UNC13C: variants seen among roughly 807,000 people sequenced by gnomAD.
UNC13C encodes the protein protein unc-13 homolog C.
In UNC13C, 174 loss-of-function variants were observed where a neutral mutation model predicts 245.4. The observed-to-expected ratio is 0.71, with a 90% confidence interval of 0.63 to 0.80. The LOEUF is 0.80. UNC13C is among the 30% of genes least tolerant of loss of function. UNC13C has a pLI of 0.00. For missense variants in UNC13C, 2,829 were observed against 2,602.9 expected, an observed-to-expected ratio of 1.09 and a Z score of -1.89; for synonymous variants, 992 against 895.1, an observed-to-expected ratio of 1.11 and a Z score of -1.93.
chr15:54,021,498 T>C (rs1178788325), intron 2 of UNC13C, among the ~76,000 whole-genome samples: 9 of 152,250 alleles, frequency 5.9e-5, no homozygotes, highest in Non-Finnish European at 2.9e-5. Context: ...TTCAGTTACA[T>C]CCGTGTTGTC....
chr15:54,407,483 A>G (rs2040320067), intron 18 of UNC13C, among the ~76,000 whole-genome samples: 1 of 152,246 alleles, frequency 6.6e-6, no homozygotes, highest in African/African-American at 2.4e-5. Flanking sequence ...AGGTACAAAA[A>G]GTACCATAGA....
At chr15:54,069,896 T>G (rs1898240083) in intron 2 of UNC13C, among the ~76,000 whole-genome samples, 1 of 152,240 alleles carries the variant, frequency 6.6e-6, no homozygotes, top group Admixed American at 6.5e-5. Context: ...ACAGAAGCAA[T>G]GAAGAGAATA....
At chr15:54,190,858 ATC>A (rs2034159207) in intron 4 of UNC13C, among the ~76,000 whole-genome samples, 1 of 151,932 alleles carries the variant, frequency 6.6e-6, no homozygotes, top group African/African-American at 2.4e-5. Context: ...TCTTTTTATA[ATC>A]TGTTTTGTTC....
At chr15:53,858,755 T>C in the UNC13C span, among the ~76,000 whole-genome samples, 2 of 152,146 alleles carry the variant, frequency 1.3e-5, no homozygotes, top group African/African-American at 4.8e-5. Context: ...AAAACATGTT[T>C]ATCTGTGGCC....
chr15:53,938,796 G>GTTTC, the UNC13C span, among the ~76,000 whole-genome samples: 1 of 152,104 alleles, frequency 6.6e-6, no homozygotes, highest in African/African-American at 2.4e-5. Context: ...CAAGAAGTTT[G>GTTTC]TTTGTACTAA....
intron 30 of UNC13C, among the ~76,000 whole-genome samples, chr15:54,606,162 G>A (rs74359360): frequency 1.6e-4 from 24 of 152,294 alleles, no homozygotes; most frequent in Admixed American, 5.2e-4. Flanking sequence ...ATTACTTGTC[G>A]TTGTAGCAAG....
chr15:54,103,241 C>T (rs1338763750), intron 2 of UNC13C, among the ~76,000 whole-genome samples: 1 of 152,162 alleles, frequency 6.6e-6, no homozygotes, highest in Admixed American at 6.5e-5. Context: ...ATACATCTCG[C>T]CATTCTTTTA....
intron 7 of UNC13C, among the ~76,000 whole-genome samples, chr15:54,239,082 G>A (rs1361200041): frequency 1.3e-5 from 2 of 152,138 alleles, no homozygotes; most frequent in East Asian, 3.9e-4. Flanking sequence ...CCTATGCCTG[G>A]AGACTAATAT....
At chr15:54,295,467 A>G (rs2037403206) in intron 11 of UNC13C, among the ~76,000 whole-genome samples, 1 of 152,074 alleles carries the variant, frequency 6.6e-6, no homozygotes, top group Non-Finnish European at 1.5e-5. Context: ...TGGACAACAT[A>G]GTGAGACCCA....
intron 17 of UNC13C, among the ~76,000 whole-genome samples, chr15:54,357,112 C>T (rs2039113730): frequency 6.6e-6 from 1 of 151,926 alleles, no homozygotes; most frequent in African/African-American, 2.4e-5. Flanking sequence ...ATGTTGTAAA[C>T]TACAGTCCCC....
At chr15:54,296,370 T>A (rs1255964726) in intron 11 of UNC13C, among the ~76,000 whole-genome samples, 2 of 101,698 alleles carry the variant, frequency 2.0e-5, no homozygotes, top group Non-Finnish European at 3.6e-5. Context: ...CCGGCTAATT[T>A]TTTTTTTTTT....
intron 10 of UNC13C, among the ~76,000 whole-genome samples, chr15:54,293,669 A>T (rs1347243524): frequency 6.6e-6 from 1 of 152,048 alleles, no homozygotes; most frequent in Admixed American, 6.6e-5. Context: ...GTTAAAGGAA[A>T]TAGGATGGAA....
At chr15:54,004,334 G>A (rs1350064102) in intron 1 of UNC13C, among the ~76,000 whole-genome samples, 1 of 152,152 alleles carries the variant, frequency 6.6e-6, no homozygotes, top group African/African-American at 2.4e-5. Context: ...GCAAATGACA[G>A]GATCTCATTA....
chr15:54,036,972 A>C lies in UNC13C; in HGVS notation c.2983+21086A>C, dbSNP rs1293277413. Among the ~76,000 whole-genome samples the C allele has an allele frequency of 2.0e-5, 3 of 152,262 alleles. No individual in the cohort carries two copies. The East Asian group carries it at 5.8e-4, about 29-fold the overall frequency. On this transcript the variant is annotated intron_variant, in intron 2 of 32. Coordinates refer to ENST00000260323, the MANE Select transcript of UNC13C (RefSeq NM_001080534.3). ...ACGAGAAGCAGGCCACTGTGCCTGC[A>C]TGAAGGGCAGGAATGCCAAGAAAAT...
intron 9 of UNC13C, 42 bp downstream of exon 9, chr15:54,264,437 A>G (rs973950098): frequency 7.0e-7 from 1 of 1,419,754 alleles, no homozygotes; most frequent in Non-Finnish European, 9.7e-7. Context: ...GTAAATTGAG[A>G]TTTTTATGTG....
At chr15:54,298,487 G>A (rs1376909289) in intron 12 of UNC13C, among the ~76,000 whole-genome samples, 1 of 152,130 alleles carries the variant, frequency 6.6e-6, no homozygotes, top group East Asian at 1.9e-4. Flanking sequence ...ACAACAAGCA[G>A]TTTCATACAT....
chr15:53,859,689 G>A, the UNC13C span, among the ~76,000 whole-genome samples: 6 of 152,116 alleles, frequency 3.9e-5, no homozygotes, highest in African/African-American at 4.8e-5. Flanking sequence ...TTCCAACCCC[G>A]TATTCAGAAA....
intron 30 of UNC13C, among the ~76,000 whole-genome samples, chr15:54,571,144 A>G (rs62023988): frequency 0.055 from 8,348 of 152,280 alleles, 359 homozygotes; most frequent in Admixed American, 0.13. Flanking sequence ...TCCAGTGTAT[A>G]TTAGTCCATT....
intron 1 of UNC13C, among the ~76,000 whole-genome samples, chr15:53,984,123 A>G (rs1385635843): frequency 6.6e-6 from 1 of 152,160 alleles, no homozygotes; most frequent in African/African-American, 2.4e-5. Context: ...TGAACATGAC[A>G]TATGTCACTC....
Sources: allele counts gnomAD v4.1 joint callset (sites outside exome capture counted in the v4.1 genomes callset), GRCh38; gene constraint gnomAD v4.1.1; transcripts MANE v1.5; gene names NCBI Gene and HGNC (gene_info 2026-07-23, HGNC 2026-07-21).